CLNK: variants seen among roughly 807,000 people sequenced by gnomAD.
The protein encoded by CLNK is cytokine-dependent hematopoietic cell linker.
A neutral mutation model predicts 68.6 loss-of-function variants in CLNK; 74 were observed. The observed-to-expected ratio is 1.08, with a 90% CI of 0.89 to 1.31. CLNK has a LOEUF of 1.31. CLNK is among the 50% of genes most tolerant of loss of function. The pLI is 0.00. For missense variants in CLNK, 553 were observed against 515.3 expected (o/e 1.07, Z -0.71); for synonymous variants, 198 against 172.2 (o/e 1.15, Z -1.17).
At chr4:10,621,158 TG>T (rs1484450774) in intron 2 of CLNK, among the ~76,000 whole-genome samples, 1 of 152,098 alleles carries the variant, frequency 6.6e-6, no homozygotes, top group African/African-American at 2.4e-5. Context: ...AAGAGGTAAG[TG>T]GCCGCTGCAG....
At chr4:10,696,117 A>G in the CLNK span, among the ~76,000 whole-genome samples, 1 of 152,108 alleles carries the variant, frequency 6.6e-6, no homozygotes, top group Admixed American at 6.6e-5. Flanking sequence ...CGGCCTCCCA[A>G]AGTGCTGGGA....
chr4:10,527,221 C>T (rs1333525209), intron 13 of CLNK, among the ~76,000 whole-genome samples: 1 of 152,166 alleles, frequency 6.6e-6, no homozygotes, highest in Admixed American at 6.5e-5. Flanking sequence ...GGAGGTTGAG[C>T]TGTATTGTCG....
chr4:10,537,215 C>G (rs927155444), intron 11 of CLNK, among the ~76,000 whole-genome samples: 2 of 152,210 alleles, frequency 1.3e-5, no homozygotes, highest in African/African-American at 4.8e-5. Context: ...CGGTGGCTCA[C>G]GTCTGTAATC....
intron 7 of CLNK, among the ~76,000 whole-genome samples, chr4:10,561,062 AT>A (rs1212016226): frequency 1.7e-4 from 26 of 149,386 alleles, no homozygotes; most frequent in African/African-American, 4.4e-4. Flanking sequence ...ACGACCAGCT[AT>A]TTTTTTTTTA....
intron 3 of CLNK, among the ~76,000 whole-genome samples, chr4:10,594,161 C>T (rs755788021): frequency 1.3e-5 from 2 of 152,168 alleles, no homozygotes; most frequent in Non-Finnish European, 2.9e-5. Context: ...GACTATGTCT[C>T]GTTCATCTTT....
At chr4:10,493,174 C>T (rs1260031552) in intron 18 of CLNK, among the ~76,000 whole-genome samples, 1 of 152,064 alleles carries the variant, frequency 6.6e-6, no homozygotes, top group African/African-American at 2.4e-5. Context: ...AAAAATTAGC[C>T]GGGCATGGTG....
At chr4:10,634,395 C>T (rs949988234) in intron 2 of CLNK, among the ~76,000 whole-genome samples, 6 of 152,184 alleles carry the variant, frequency 3.9e-5, no homozygotes, top group South Asian at 2.1e-4. Flanking sequence ...TTGCTGTGTG[C>T]GCTCGGCTCT....
chr4:10,640,502 C>G (rs536176779), intron 2 of CLNK, among the ~76,000 whole-genome samples: 6 of 152,312 alleles, frequency 3.9e-5, no homozygotes, highest in Admixed American at 3.3e-4. Flanking sequence ...AAAAGTATCT[C>G]TCTGTGTCAC....
At chr4:10,509,927 C>T (rs530347854) in intron 16 of CLNK, among the ~76,000 whole-genome samples, 3 of 152,170 alleles carry the variant, frequency 2.0e-5, no homozygotes, top group East Asian at 1.9e-4. Flanking sequence ...AGCAAAGCCA[C>T]GTGACAGGCT....
chr4:10,670,273 T>C (rs1185095212), intron 1 of CLNK, among the ~76,000 whole-genome samples: 1 of 152,254 alleles, frequency 6.6e-6, no homozygotes, highest in East Asian at 1.9e-4. Flanking sequence ...TTTTGAATAT[T>C]AGTATTTATA....
intron 3 of CLNK, among the ~76,000 whole-genome samples, chr4:10,591,706 T>A (rs969394259): frequency 2.6e-5 from 4 of 152,210 alleles, no homozygotes; most frequent in Non-Finnish European, 5.9e-5. Context: ...TGTGCACAAG[T>A]GCCACTTAAA....
At chr4:10,614,200 G>T (rs1472186760) in intron 2 of CLNK, among the ~76,000 whole-genome samples, 1 of 152,244 alleles carries the variant, frequency 6.6e-6, no homozygotes, top group Non-Finnish European at 1.5e-5. Flanking sequence ...TCTGCATGGA[G>T]CCTGCTGGTA....
chr4:10,699,343 T>C, the CLNK span, among the ~76,000 whole-genome samples: 3 of 29,924 alleles, frequency 1.0e-4, no homozygotes, highest in East Asian at 8.7e-4. Context: ...CGTGTGTGTA[T>C]ACACACACAC....
In CLNK at chr4:10,551,917, G is replaced by A. The variant is rs115504979; in HGVS notation, c.445+6490C>T. Among the ~76,000 whole-genome samples, 1,423 of 150,008 alleles carry A rather than the reference G, an allele frequency of 9.5e-3. 26 individuals carry two copies. Among genetic ancestry groups the A allele is most frequent in the African/African-American group, 0.033 (1,357 of 40,742 alleles). ...GGCTGGAGTGTAGGGGCATGATGTC[G>A]TCTCACTGCAACCTCTGCCTCCCAG... On this transcript the variant is annotated intron_variant, in intron 8 of 18. Coordinates refer to ENST00000226951, the MANE Select transcript of CLNK (RefSeq NM_052964.4).
At chr4:10,696,331 C>G in the CLNK span, among the ~76,000 whole-genome samples, 1 of 152,178 alleles carries the variant, frequency 6.6e-6, no homozygotes, top group Non-Finnish European at 1.5e-5. Flanking sequence ...TCATCTGCCC[C>G]CTTTGCTGCA....
the CLNK span, among the ~76,000 whole-genome samples, chr4:10,727,689 C>T: frequency 0.065 from 9,920 of 152,196 alleles, 434 homozygotes; most frequent in East Asian, 0.11. Flanking sequence ...CAGCCTTGTT[C>T]GTGAGAAGAG....
chr4:10,649,457 T>TCC (rs1050538366), intron 2 of CLNK, among the ~76,000 whole-genome samples: 2 of 152,148 alleles, frequency 1.3e-5, no homozygotes, highest in Admixed American at 6.6e-5. Context: ...CCTTTAATTT[T>TCC]CATGGCCTGG....
intron 1 of CLNK, among the ~76,000 whole-genome samples, chr4:10,673,517 A>G (rs911592130): frequency 6.6e-6 from 1 of 152,192 alleles, no homozygotes; most frequent in African/African-American, 2.4e-5. Context: ...TGTCCTTTAC[A>G]GGGACATGGA....
At chr4:10,494,351 TATTA>T (rs1362514351) in intron 18 of CLNK, among the ~76,000 whole-genome samples, 3 of 152,256 alleles carry the variant, frequency 2.0e-5, no homozygotes, top group East Asian at 1.9e-4. Flanking sequence ...ATACATTTGC[TATTA>T]ATTGTTTTAA....
Sources: gnomAD v4.1 joint callset for allele counts (sites outside exome capture counted in the v4.1 genomes callset) on GRCh38, gnomAD v4.1.1 for gene constraint, MANE v1.5 for transcripts, NCBI Gene and HGNC (gene_info 2026-07-23, HGNC 2026-07-21) for gene names.